Variants in KCNH7 observed in about 807,000 individuals in gnomAD.
KCNH7 encodes the protein potassium voltage-gated channel subfamily H member 7, also known as voltage-gated inwardly rectifying potassium channel KCNH7.
KCNH7 carries 49 observed loss-of-function variants against 120.8 expected under a neutral mutation model. The ratio of observed to expected loss-of-function variants is 0.41; its 90% CI spans 0.32 to 0.51. KCNH7 has a LOEUF of 0.51. Ranked by LOEUF, KCNH7 falls within the 20% of genes least tolerant of loss-of-function variation. The pLI is 0.38. For missense variants in KCNH7, 1,097 were observed against 1,446.6 expected, an observed-to-expected ratio of 0.76 and a Z score of 3.92; for synonymous variants, 547 against 516.1, an observed-to-expected ratio of 1.06 and a Z score of -0.81.
chr2:162,737,176 G>A (rs1228686901), intron 2 of KCNH7, among the ~76,000 whole-genome samples: 1 of 152,140 alleles, frequency 6.6e-6, no homozygotes, highest in Non-Finnish European at 1.5e-5. Flanking sequence ...AAGCACCTCT[G>A]GGGCTAGTGA....
intron 2 of KCNH7, among the ~76,000 whole-genome samples, chr2:162,589,674 T>C (rs772389062): frequency 2.6e-5 from 4 of 152,028 alleles, no homozygotes; most frequent in South Asian, 4.1e-4. Flanking sequence ...GTACCAGGGA[T>C]TGGAATCCCA....
chr2:162,644,096 C>T (rs1423078521), intron 2 of KCNH7, among the ~76,000 whole-genome samples: 1 of 151,958 alleles, frequency 6.6e-6, no homozygotes, highest in African/African-American at 2.4e-5. Context: ...CCCCGCCCCC[C>T]ACATCAACTG....
At chr2:162,620,249 G>C (rs1683305423) in intron 2 of KCNH7, among the ~76,000 whole-genome samples, 1 of 150,722 alleles carries the variant, frequency 6.6e-6, no homozygotes, top group East Asian at 1.9e-4. Flanking sequence ...TTAATATAGA[G>C]AGAAATTTTT....
intron 2 of KCNH7, among the ~76,000 whole-genome samples, chr2:162,690,616 G>T (rs1686067523): frequency 6.6e-6 from 1 of 152,090 alleles, no homozygotes; most frequent in South Asian, 2.1e-4. Flanking sequence ...AGTAAGAGAA[G>T]CATTACTATC....
chr2:162,380,390 C>T (rs577698681), intron 13 of KCNH7, among the ~76,000 whole-genome samples: 8 of 152,108 alleles, frequency 5.3e-5, no homozygotes, highest in Non-Finnish European at 8.8e-5. Flanking sequence ...TTGTTTGCAC[C>T]GCATTATCTA....
intron 2 of KCNH7, among the ~76,000 whole-genome samples, chr2:162,783,366 GA>G (rs1056259818): frequency 2.6e-5 from 4 of 152,122 alleles, no homozygotes; most frequent in African/African-American, 7.2e-5. Flanking sequence ...TGCATTTGCA[GA>G]AAAACATCCA....
At position 162,397,037 on chromosome 2, in the gene KCNH7, T is replaced by G. The variant is rs183580565; in HGVS notation, c.2408-92A>C. ...TAGAAGGGGGTCATTAAACAATTGATCAATCCCTGAACCAGACTTGGTGAG... is the reference window on the plus strand; with the variant it reads ...TAGAAGGGGGTCATTAAACAATTGAGCAATCCCTGAACCAGACTTGGTGAG... On this transcript the variant is annotated intron_variant, in intron 10 of 15. Transcript: ENST00000332142. 8.5e-6 allele frequency: 7 copies of G among 823,136 alleles called. No individual in the cohort carries two copies. The African/African-American group carries it at 1.0e-4, about 12-fold the overall frequency. The allele number at this position is 823,136 out of a possible 1,614,324, so 51.0% of individuals were successfully genotyped here.
intron 6 of KCNH7, among the ~76,000 whole-genome samples, chr2:162,454,728 G>T (rs1266025723): frequency 1.3e-5 from 2 of 151,800 alleles, no homozygotes; most frequent in South Asian, 2.1e-4. Flanking sequence ...TCATGATTTG[G>T]CCCTCTGCTT....
chr2:162,765,309 C>T (rs72875410), intron 2 of KCNH7, among the ~76,000 whole-genome samples: 3,608 of 152,278 alleles, frequency 0.024, 59 homozygotes, highest in Middle Eastern at 0.061. Flanking sequence ...CATATATCTT[C>T]TTGCCTAAAT....
intron 2 of KCNH7, among the ~76,000 whole-genome samples, chr2:162,652,374 C>A (rs1007242550): frequency 6.6e-6 from 1 of 152,074 alleles, no homozygotes; most frequent in African/African-American, 2.4e-5. Context: ...CAGCCCTCAA[C>A]CTTTTTTGCC....
chr2:162,610,226 G>A (rs1490069034), intron 2 of KCNH7, among the ~76,000 whole-genome samples: 1 of 152,122 alleles, frequency 6.6e-6, no homozygotes, highest in South Asian at 2.1e-4. Context: ...AACCTGAGAG[G>A]TTATGGAGAA....
chr2:162,497,924 T>G (rs1204261272), intron 6 of KCNH7, among the ~76,000 whole-genome samples: 1 of 152,212 alleles, frequency 6.6e-6, no homozygotes, highest in Non-Finnish European at 1.5e-5. Context: ...GTTGGGAATC[T>G]ATTATGGCTC....
At chr2:162,592,635 C>T (rs995747470) in intron 2 of KCNH7, among the ~76,000 whole-genome samples, 1 of 152,054 alleles carries the variant, frequency 6.6e-6, no homozygotes, top group African/African-American at 2.4e-5. Flanking sequence ...ATCTCTCCCT[C>T]CAGGGACCCT....
At chr2:162,424,678 G>T (rs898458158) in intron 8 of KCNH7, among the ~76,000 whole-genome samples, 2 of 152,212 alleles carry the variant, frequency 1.3e-5, no homozygotes, top group Admixed American at 1.3e-4. Context: ...CCAGATTCTG[G>T]CCATGTTTTA....
intron 3 of KCNH7, among the ~76,000 whole-genome samples, chr2:162,535,780 A>T (rs1269489174): frequency 1.3e-5 from 2 of 151,806 alleles, no homozygotes; most frequent in Non-Finnish European, 2.9e-5. Flanking sequence ...TATATTAGTT[A>T]TTTATTGTAT....
At chr2:162,508,681 T>G (rs1455241652) in intron 5 of KCNH7, among the ~76,000 whole-genome samples, 1 of 151,310 alleles carries the variant, frequency 6.6e-6, no homozygotes, top group Non-Finnish European at 1.5e-5. Flanking sequence ...GGACAGAATA[T>G]GAGGCCAGAA....
intron 3 of KCNH7, among the ~76,000 whole-genome samples, chr2:162,519,411 AAAAC>A (rs1240212261): frequency 6.6e-6 from 1 of 151,872 alleles, no homozygotes; most frequent in Non-Finnish European, 1.5e-5. Context: ...TTTCATCAAA[AAAAC>A]AAAAGCTTAT....
At chr2:162,451,775 T>C (rs1283170382) in intron 6 of KCNH7, among the ~76,000 whole-genome samples, 1 of 152,052 alleles carries the variant, frequency 6.6e-6, no homozygotes, top group East Asian at 1.9e-4. Flanking sequence ...TAGTAAGATG[T>C]GGTGGCTCAG....
intron 2 of KCNH7, among the ~76,000 whole-genome samples, chr2:162,692,545 G>A (rs1023095878): frequency 5.3e-5 from 8 of 152,076 alleles, no homozygotes; most frequent in African/African-American, 1.4e-4. Context: ...GTGTGACAGC[G>A]AGAAACAGAC....
Sources: allele counts gnomAD v4.1 joint callset (sites outside exome capture counted in the v4.1 genomes callset), GRCh38; gene constraint gnomAD v4.1.1; transcripts MANE v1.5; gene names NCBI Gene and HGNC (gene_info 2026-07-23, HGNC 2026-07-21).